Variants in CAMK1D observed in about 807,000 individuals in gnomAD.
The protein encoded by CAMK1D is calcium/calmodulin dependent protein kinase ID.
CAMK1D carries 9 observed loss-of-function variants against 47.7 expected under a neutral mutation model. That is an observed-to-expected ratio of 0.19 (90% CI 0.11 to 0.33). The LOEUF (loss-of-function observed/expected upper bound fraction) is 0.33, where lower values mean the gene tolerates loss of function less well. Ranked by LOEUF, CAMK1D falls within the 10% of genes least tolerant of loss-of-function variation. CAMK1D has a pLI of 1.00. For synonymous variants in CAMK1D, 184 were observed against 184.9 expected, an observed-to-expected ratio of 0.99 and a Z score of 0.04; for missense variants, 291 against 488.7, an observed-to-expected ratio of 0.60 and a Z score of 3.81.
At chr10:12,821,928 C>T (rs918964119) in intron 8 of CAMK1D, among the ~76,000 whole-genome samples, 3 of 152,018 alleles carry the variant, frequency 2.0e-5, no homozygotes, top group South Asian at 2.1e-4. Context: ...GAGTCGAGAT[C>T]GCACCACTGC....
At chr10:12,374,238 G>A (rs1488249801) in intron 1 of CAMK1D, among the ~76,000 whole-genome samples, 1 of 120,946 alleles carries the variant, frequency 8.3e-6, no homozygotes, top group Non-Finnish European at 1.6e-5. Context: ...CCAGCCTTGT[G>A]ACAGAGCGAG....
At position 12,828,745 on chromosome 10, in the gene CAMK1D, G is replaced by A. The variant is rs200768446; in HGVS notation, c.1040-24G>A. ...GAGAATTTACCTCTGAAACTCTGAA[G>A]CCCACTTCTGCTGTTCCCTGCAGGT... is the stretch of plus-strand genomic sequence containing the variant. On this transcript the variant is annotated intron_variant, in intron 10 of 10. Transcript: ENST00000619168. 32 of 1,581,746 alleles carry A rather than the reference G, an allele frequency of 2.0e-5. No individual in the cohort carries two copies. In the East Asian group the frequency reaches 7.2e-4, roughly 36 times the overall value.
At chr10:12,685,268 T>C (rs1279397257) in intron 3 of CAMK1D, among the ~76,000 whole-genome samples, 1 of 152,216 alleles carries the variant, frequency 6.6e-6, no homozygotes, top group Non-Finnish European at 1.5e-5. Flanking sequence ...GCCACTGCAC[T>C]CCAGCCTGGG....
intron 6 of CAMK1D, among the ~76,000 whole-genome samples, chr10:12,798,659 A>G (rs1400339191): frequency 4.6e-5 from 7 of 152,248 alleles, no homozygotes; most frequent in Non-Finnish European, 5.9e-5. Flanking sequence ...TCAAGACTCA[A>G]TTATCTAAAG....
intron 1 of CAMK1D, among the ~76,000 whole-genome samples, chr10:12,486,107 G>GCA (rs1450524681): frequency 2.0e-5 from 3 of 151,760 alleles, no homozygotes; most frequent in African/African-American, 7.2e-5. Flanking sequence ...CCCATGCAGT[G>GCA]CACACACACA....
intron 2 of CAMK1D, among the ~76,000 whole-genome samples, chr10:12,663,309 G>A (rs1184896248): frequency 6.6e-6 from 1 of 152,082 alleles, no homozygotes; most frequent in African/African-American, 2.4e-5. Flanking sequence ...TTTTACCCTG[G>A]GATCAGTATT....
At chr10:12,656,951 GTATT>G (rs1309432083) in intron 2 of CAMK1D, among the ~76,000 whole-genome samples, 1 of 152,154 alleles carries the variant, frequency 6.6e-6, no homozygotes, top group Non-Finnish European at 1.5e-5. Context: ...AAATCAGAAA[GTATT>G]TAACGACTTG....
chr10:12,619,494 C>A (rs189226283), intron 2 of CAMK1D, among the ~76,000 whole-genome samples: 353 of 152,208 alleles, frequency 2.3e-3, no homozygotes, highest in Admixed American at 4.5e-3. Flanking sequence ...TACTGTGTTG[C>A]CTAGACTGGT....
intron 3 of CAMK1D, among the ~76,000 whole-genome samples, chr10:12,695,594 C>G (rs1833258435): frequency 6.6e-6 from 1 of 152,150 alleles, no homozygotes; most frequent in Non-Finnish European, 1.5e-5. Context: ...GGGTGTGGTG[C>G]TGTAGTCACT....
chr10:12,605,749 TG>T (rs2132399561), intron 2 of CAMK1D, among the ~76,000 whole-genome samples: 2 of 152,326 alleles, frequency 1.3e-5, no homozygotes, highest in South Asian at 4.1e-4. Context: ...GCCTCAGCCC[TG>T]GGCTGTCCTT....
At chr10:12,774,940 A>G (rs547536209) in intron 5 of CAMK1D, among the ~76,000 whole-genome samples, 1 of 152,398 alleles carries the variant, frequency 6.6e-6, no homozygotes, top group Non-Finnish European at 1.5e-5. Flanking sequence ...AAAATTGGGG[A>G]TCGCTGCTCT....
chr10:12,409,267 C>T (rs1839568834), intron 1 of CAMK1D, among the ~76,000 whole-genome samples: 1 of 152,114 alleles, frequency 6.6e-6, no homozygotes, highest in Non-Finnish European at 1.5e-5. Flanking sequence ...CTCATGGTCC[C>T]TATTACGGTG....
intron 6 of CAMK1D, among the ~76,000 whole-genome samples, chr10:12,806,089 C>T (rs529836700): frequency 1.1e-4 from 17 of 152,288 alleles, no homozygotes; most frequent in African/African-American, 3.4e-4. Context: ...CTGTGCACAG[C>T]GGGAGAAGAG....
intron 2 of CAMK1D, among the ~76,000 whole-genome samples, chr10:12,591,683 A>G (rs1428498514): frequency 6.6e-6 from 1 of 152,060 alleles, no homozygotes; most frequent in Non-Finnish European, 1.5e-5. Context: ...AAATCTACAT[A>G]ATAGGGTTGG....
intron 1 of CAMK1D, among the ~76,000 whole-genome samples, chr10:12,430,123 C>T (rs1405229716): frequency 6.6e-6 from 1 of 152,182 alleles, no homozygotes; most frequent in Non-Finnish European, 1.5e-5. Context: ...TTGCTGTTCT[C>T]TCTTGGATGG....
chr10:12,826,101 C>A, intron 10 of CAMK1D: 1 of 168,468 alleles, frequency 5.9e-6, no homozygotes, highest in Non-Finnish European at 1.3e-5. Flanking sequence ...CACACCACTG[C>A]ACTCCAGCCT....
chr10:12,629,766 C>T lies in CAMK1D; in HGVS notation c.225-36970C>T, dbSNP rs145761165. Among the ~76,000 whole-genome samples, 686 of 152,344 alleles carry T rather than the reference C, an allele frequency of 4.5e-3. 1 individual carries two copies. The highest frequency in any genetic ancestry group is 7.4e-3 in the Non-Finnish European group (501 of 68,036). ...CTCTGGGCTCAAGCCATTGTTTCCTCGTAGCATCCTCAAAAGCAAGGGGTT... is the reference window on the plus strand; with the variant it reads ...CTCTGGGCTCAAGCCATTGTTTCCTTGTAGCATCCTCAAAAGCAAGGGGTT... On this transcript the variant is annotated intron_variant, in intron 2 of 10. Transcript: ENST00000619168.
At chr10:12,544,395 A>G (rs1232871750) in intron 1 of CAMK1D, among the ~76,000 whole-genome samples, 3 of 152,226 alleles carry the variant, frequency 2.0e-5, no homozygotes, top group Admixed American at 6.5e-5. Flanking sequence ...CTGTATAAAA[A>G]TCTGCTGTCT....
At chr10:12,691,460 TC>T (rs1265331384) in intron 3 of CAMK1D, among the ~76,000 whole-genome samples, 1 of 118,032 alleles carries the variant, frequency 8.5e-6, no homozygotes, top group African/African-American at 3.3e-5. Context: ...TGAGTGAGAG[TC>T]TCGCTCTGTC....
Sources: allele counts gnomAD v4.1 joint callset (sites outside exome capture counted in the v4.1 genomes callset), GRCh38; gene constraint gnomAD v4.1.1; transcripts MANE v1.5; gene names NCBI Gene and HGNC (gene_info 2026-07-23, HGNC 2026-07-21).